Variants in RAB38 observed in about 807,000 individuals in gnomAD.
RAB38 encodes the protein RAB38, member RAS oncogene family.
RAB38 carries 15 observed loss-of-function variants against 18.4 expected under a neutral mutation model. That is an observed-to-expected ratio of 0.82 (90% CI 0.55 to 1.26). RAB38 has a LOEUF of 1.26. Among genes scored for constraint, RAB38 ranks in the 50% most tolerant of loss-of-function variants. The pLI is 0.00. For synonymous variants in RAB38, 101 were observed against 104.4 expected, an observed-to-expected ratio of 0.97 and a Z score of 0.20; for missense variants, 294 against 267.4, an observed-to-expected ratio of 1.10 and a Z score of -0.69.
chr11:87,825,501 T>A, the RAB38 span, among the ~76,000 whole-genome samples: 1 of 152,108 alleles, frequency 6.6e-6, no homozygotes, highest in African/African-American at 2.4e-5. Flanking sequence ...GGTGTCTGCT[T>A]GTATGTGGTT....
chr11:87,843,411 T>C, the RAB38 span, among the ~76,000 whole-genome samples: 1 of 152,192 alleles, frequency 6.6e-6, no homozygotes. Context: ...GCCCAGATAA[T>C]CAGGAACCAT....
intron 1 of RAB38, chr11:88,173,638 C>G: frequency 4.1e-6 from 4 of 985,444 alleles, no homozygotes; most frequent in Non-Finnish European, 4.8e-6. Flanking sequence ...GTTTCTAAAT[C>G]TGAATCCTGA....
At chr11:87,862,266 C>T in the RAB38 span, among the ~76,000 whole-genome samples, 1 of 151,840 alleles carries the variant, frequency 6.6e-6, no homozygotes, top group Non-Finnish European at 1.5e-5. Flanking sequence ...ACCTAAATGC[C>T]CATGAACAAT....
At chr11:87,869,369 A>G in the RAB38 span, among the ~76,000 whole-genome samples, 9 of 151,684 alleles carry the variant, frequency 5.9e-5, no homozygotes, top group Admixed American at 2.6e-4. Context: ...GAGAAATTAA[A>G]TGAGCACTCA....
At chr11:88,006,183 G>A in the RAB38 span, among the ~76,000 whole-genome samples, 1 of 151,008 alleles carries the variant, frequency 6.6e-6, no homozygotes, top group Non-Finnish European at 1.5e-5. Context: ...AAAAATGCTT[G>A]ACTTTATTAA....
At chr11:88,131,534 G>C (rs1462688678) in intron 2 of RAB38, among the ~76,000 whole-genome samples, 1 of 152,164 alleles carries the variant, frequency 6.6e-6, no homozygotes, top group Non-Finnish European at 1.5e-5. Context: ...CTACTAAGTA[G>C]GGTTTCCTAT....
the RAB38 span, among the ~76,000 whole-genome samples, chr11:87,845,631 A>G: frequency 2.6e-5 from 4 of 152,250 alleles, no homozygotes; most frequent in Non-Finnish European, 5.9e-5. Flanking sequence ...AAAAAATTCA[A>G]CGTATATGGC....
chr11:87,912,137 A>G, the RAB38 span, among the ~76,000 whole-genome samples: 1 of 151,954 alleles, frequency 6.6e-6, no homozygotes, highest in Non-Finnish European at 1.5e-5. Flanking sequence ...ATTTATTTTC[A>G]TAAGGGATAG....
the RAB38 span, among the ~76,000 whole-genome samples, chr11:88,035,327 A>C: frequency 6.6e-6 from 1 of 152,152 alleles, no homozygotes; most frequent in African/African-American, 2.4e-5. Flanking sequence ...TTTGAAAGTA[A>C]TGTGTTTTTA....
At chr11:88,029,536 T>C in the RAB38 span, among the ~76,000 whole-genome samples, 1 of 152,000 alleles carries the variant, frequency 6.6e-6, no homozygotes, top group Admixed American at 6.6e-5. Flanking sequence ...TGGAGGAAGA[T>C]CTACCAAGCA....
At chr11:88,095,332 A>T in the RAB38 span, among the ~76,000 whole-genome samples, 2 of 151,652 alleles carry the variant, frequency 1.3e-5, no homozygotes, top group Non-Finnish European at 2.9e-5. Context: ...CTCTACTGAA[A>T]CTCTTCTGTC....
At chr11:88,068,682 C>A in the RAB38 span, among the ~76,000 whole-genome samples, 1 of 152,216 alleles carries the variant, frequency 6.6e-6, no homozygotes, top group Non-Finnish European at 1.5e-5. Context: ...CCTAACATGA[C>A]AAGTCAACTT....
chr11:87,861,486 GGT>G, the RAB38 span, among the ~76,000 whole-genome samples: 3 of 151,990 alleles, frequency 2.0e-5, no homozygotes, highest in Admixed American at 1.3e-4. Context: ...GCTACCAACA[GGT>G]GAAAGTGGGC....
the RAB38 span, among the ~76,000 whole-genome samples, chr11:88,091,719 C>A: frequency 6.6e-6 from 1 of 151,966 alleles, no homozygotes. Flanking sequence ...CAAGCCCCAG[C>A]ATTGGGGCTA....
the RAB38 span, among the ~76,000 whole-genome samples, chr11:87,939,282 A>G: frequency 6.6e-6 from 1 of 152,004 alleles, no homozygotes; most frequent in Admixed American, 6.6e-5. Flanking sequence ...AAATCCATTG[A>G]TACATACACA....
the RAB38 span, among the ~76,000 whole-genome samples, chr11:87,941,669 T>C: frequency 6.6e-6 from 1 of 152,108 alleles, no homozygotes; most frequent in East Asian, 1.9e-4. Context: ...GTATTTTCAA[T>C]AAGTTACAGC....
chr11:88,004,962 A>T, the RAB38 span, among the ~76,000 whole-genome samples: 1 of 151,410 alleles, frequency 6.6e-6, no homozygotes, highest in Non-Finnish European at 1.5e-5. Flanking sequence ...AAAACAAAAT[A>T]TTCCAGAGAA....
chr11:88,006,549 G>A, the RAB38 span, among the ~76,000 whole-genome samples: 1 of 138,802 alleles, frequency 7.2e-6, no homozygotes, highest in Non-Finnish European at 1.6e-5. Flanking sequence ...ACAGATTAAT[G>A]GATAAAGAAT....
the RAB38 span, among the ~76,000 whole-genome samples, chr11:88,014,773 T>C: frequency 6.6e-6 from 1 of 152,172 alleles, no homozygotes; most frequent in Middle Eastern, 3.4e-3. Context: ...AATTTGAGCC[T>C]CTCTTGATGT....
Sources: gnomAD v4.1 joint callset for allele counts (sites outside exome capture counted in the v4.1 genomes callset) on GRCh38, gnomAD v4.1.1 for gene constraint, MANE v1.5 for transcripts, NCBI Gene and HGNC (gene_info 2026-07-23, HGNC 2026-07-21) for gene names.